The following SRGAP3 variants were observed in gnomAD, a reference collection of about 807,000 sequenced individuals.
SRGAP3 encodes SLIT-ROBO Rho GTPase-activating protein 3.
Under a neutral mutation model 121.1 loss-of-function variants are expected in SRGAP3, and 39 were observed. The ratio of observed to expected loss-of-function variants is 0.32; its 90% CI spans 0.25 to 0.42. The LOEUF is 0.42. Among genes scored for constraint, SRGAP3 ranks in the 10% least tolerant of loss-of-function variants. SRGAP3 has a pLI of 1.00. For missense variants in SRGAP3, 1,213 were observed against 1,470.6 expected (o/e 0.82, Z 2.86); for synonymous variants, 601 against 570.0 (o/e 1.05, Z -0.77).
chr3:9,250,653 A>T (rs1157281417), upstream of SRGAP3, among the ~76,000 whole-genome samples: 2 of 152,172 alleles, frequency 1.3e-5, no homozygotes, highest in Non-Finnish European at 2.9e-5. Context: ...GCACTCAATA[A>T]ACAGTAGCAA....
Position 8,981,828 on chromosome 3 carries a change from C to A in SRGAP3, c.*3691G>T, listed in dbSNP as rs1235940284. The A allele has an allele frequency of 4.4e-6, 1 of 229,296 alleles. No individual in the cohort carries two copies. Among genetic ancestry groups the A allele is most frequent in the Admixed American group, 5.7e-5 (1 of 17,608 alleles). 14.2% of individuals were successfully genotyped at this position (229,296 alleles called of 1,614,324 possible). ...AGAAACCTTTCATCCCTTGGGAATCCATCTCTCTCCTGACCCCTGGCCTGG... is the reference window on the plus strand; with the variant it reads ...AGAAACCTTTCATCCCTTGGGAATCAATCTCTCTCCTGACCCCTGGCCTGG... On this transcript the variant is annotated 3_prime_UTR_variant, in exon 22 of 22. Transcript: ENST00000383836.
intron 4 of SRGAP3, among the ~76,000 whole-genome samples, chr3:9,067,242 T>A (rs575190854): frequency 1.3e-5 from 1 of 79,446 alleles, no homozygotes; most frequent in South Asian, 4.8e-4. Context: ...TGGAGAACAT[T>A]AACTAATGTG....
At chr3:9,012,890 T>G (rs75991726) in intron 17 of SRGAP3, among the ~76,000 whole-genome samples, 7,984 of 152,216 alleles carry the variant, frequency 0.052, 488 homozygotes, top group African/African-American at 0.15. Flanking sequence ...GTTACAGATC[T>G]TGAGTTGCTG....
chr3:9,205,534 G>A (rs1376670704), intron 1 of SRGAP3, among the ~76,000 whole-genome samples: 1 of 152,172 alleles, frequency 6.6e-6, no homozygotes, highest in Non-Finnish European at 1.5e-5. Context: ...CCACACAGAG[G>A]ACAGAGCTGA....
chr3:9,029,397 G>A (rs1201960360), intron 12 of SRGAP3, among the ~76,000 whole-genome samples: 1 of 152,180 alleles, frequency 6.6e-6, no homozygotes, highest in East Asian at 1.9e-4. Flanking sequence ...TTTTGCCTGA[G>A]AGGAGGAGGA....
intron 1 of SRGAP3, among the ~76,000 whole-genome samples, chr3:9,231,472 G>A (rs555707407): frequency 2.0e-5 from 3 of 152,302 alleles, no homozygotes; most frequent in African/African-American, 7.2e-5. Context: ...TTGTGGATTT[G>A]GATAAATGTT....
intron 1 of SRGAP3, among the ~76,000 whole-genome samples, chr3:9,201,797 G>A (rs1471696429): frequency 6.6e-6 from 1 of 152,158 alleles, no homozygotes; most frequent in Admixed American, 6.5e-5. Flanking sequence ...TTCTTAAGTT[G>A]CCTAACTGAT....
chr3:9,101,642 G>A (rs574845366), intron 3 of SRGAP3, among the ~76,000 whole-genome samples: 2 of 152,332 alleles, frequency 1.3e-5, no homozygotes, highest in East Asian at 1.9e-4. Flanking sequence ...CAGAGTTGCC[G>A]AAAGAGTTGC....
chr3:9,173,565 C>G (rs1951064867), intron 1 of SRGAP3, among the ~76,000 whole-genome samples: 1 of 152,154 alleles, frequency 6.6e-6, no homozygotes, highest in Non-Finnish European at 1.5e-5. Context: ...GGCCTGGAGG[C>G]TGATAGGATG....
chr3:9,116,362 CA>C lies in SRGAP3; in HGVS notation c.260+8362del, dbSNP rs571586182. 1.9e-3 allele frequency among the ~76,000 whole-genome samples: 286 copies of C among 152,322 alleles called. 1 individual carries two copies. The highest frequency in any genetic ancestry group is 0.01 in the Middle Eastern group (3 of 294). ...TAGTGTCTTGGTTAATTCAGCCATT[CA>C]CTGAAAAAACTTTGATAAAGCATCA... On this transcript the variant is annotated intron_variant, in intron 2 of 21. Coordinates refer to ENST00000383836, the MANE Select transcript of SRGAP3 (RefSeq NM_014850.4).
intron 1 of SRGAP3, among the ~76,000 whole-genome samples, chr3:9,188,220 G>A (rs769578008): frequency 2.0e-5 from 3 of 152,242 alleles, no homozygotes; most frequent in Admixed American, 1.3e-4. Context: ...TTAATAGCAC[G>A]GATAATTGAA....
intron 3 of SRGAP3, among the ~76,000 whole-genome samples, chr3:9,320,632 T>A (rs1955424540): frequency 6.6e-6 from 1 of 151,894 alleles, no homozygotes; most frequent in Non-Finnish European, 1.5e-5. Flanking sequence ...ATGAGCCAAT[T>A]AAACCTCTTT....
intron 7 of SRGAP3, among the ~76,000 whole-genome samples, chr3:9,057,098 CGTT>C (rs913561130): frequency 1.3e-4 from 19 of 152,000 alleles, no homozygotes; most frequent in South Asian, 2.1e-4. Flanking sequence ...TTGTTGTTGT[CGTT>C]GTTTTTTAAC....
chr3:9,337,452 G>C (rs1267509434), intron 1 of SRGAP3: 1 of 152,148 alleles, frequency 6.6e-6, no homozygotes, highest in Non-Finnish European at 1.5e-5. Flanking sequence ...ATTTTGATGA[G>C]ATTAAGAGGT....
rs538899192 is a variant in SRGAP3 at position 9,000,037 on chromosome 3, C to T, written c.2228-5514G>A. Among the ~76,000 whole-genome samples, 62 of 152,318 alleles carry T rather than the reference C, an allele frequency of 4.1e-4. 1 individual carries two copies. Among genetic ancestry groups the T allele is most frequent in the African/African-American group, 1.5e-3 (61 of 41,564 alleles). ...ACTGCTCCCTCCCTCTACTCCTGCT[C>T]CAAGCTTGGGGAGATGGAGGCTCCA... On this transcript the variant is annotated intron_variant, in intron 18 of 21. Coordinates refer to ENST00000383836, the MANE Select transcript of SRGAP3 (RefSeq NM_014850.4).
upstream of SRGAP3, chr3:9,249,677 C>T: frequency 4.3e-6 from 1 of 233,242 alleles, no homozygotes; most frequent in Non-Finnish European, 8.5e-6. Flanking sequence ...TGAGCTCTCC[C>T]CCACTGCTCA....
At chr3:9,172,949 G>C (rs761236817) in intron 1 of SRGAP3, among the ~76,000 whole-genome samples, 3 of 152,246 alleles carry the variant, frequency 2.0e-5, no homozygotes, top group Non-Finnish European at 4.4e-5. Flanking sequence ...GAAGGCCAGA[G>C]GGAGAAGTAA....
intron 1 of SRGAP3, among the ~76,000 whole-genome samples, chr3:9,160,790 A>C (rs1014039495): frequency 5.9e-5 from 9 of 152,342 alleles, no homozygotes; most frequent in African/African-American, 2.2e-4. Flanking sequence ...AAAGTGCTTA[A>C]TATTATTTTA....
intron 1 of SRGAP3, among the ~76,000 whole-genome samples, chr3:9,150,784 T>C (rs1475391585): frequency 6.6e-6 from 1 of 152,234 alleles, no homozygotes; most frequent in Non-Finnish European, 1.5e-5. Context: ...ACGGAGGCTG[T>C]GTGTTGTGGC....
Sources: gnomAD v4.1 joint callset for allele counts (sites outside exome capture counted in the v4.1 genomes callset) on GRCh38, gnomAD v4.1.1 for gene constraint, MANE v1.5 for transcripts, NCBI Gene and HGNC (gene_info 2026-07-23, HGNC 2026-07-21) for gene names.